Variants in RMDN3 observed in about 807,000 individuals in gnomAD.
RMDN3 encodes the protein regulator of microtubule dynamics 3, also known as regulator of microtubule dynamics protein 3.
A neutral mutation model predicts 61.8 loss-of-function variants in RMDN3; 41 were observed. The ratio of observed to expected loss-of-function variants is 0.66; its 90% CI spans 0.52 to 0.86. RMDN3 has a LOEUF of 0.86. Ranked by LOEUF, RMDN3 falls within the 40% of genes least tolerant of loss-of-function variation. RMDN3 has a pLI of 0.00. For synonymous variants in RMDN3, 247 were observed against 232.0 expected (o/e 1.06, Z -0.59); for missense variants, 557 against 585.3 (o/e 0.95, Z 0.50).
At position 40,736,540 on chromosome 15, in the gene RMDN3, G is replaced by T. The variant is rs1459950068; in HGVS notation, c.*1C>A. 1 of 1,613,868 alleles carries T rather than the reference G, an allele frequency of 6.2e-7. No individual in the cohort carries two copies. The highest frequency in any genetic ancestry group is 1.3e-5 in the African/African-American group (1 of 75,010). ...AAGTCATGAAGGCCAGTGAAACGTG[G>T]TTAGTCTCGTAAAATGACTTCCAGT... On this transcript the variant is annotated 3_prime_UTR_variant, in exon 13 of 13. Coordinates refer to ENST00000338376, the MANE Select transcript of RMDN3 (RefSeq NM_018145.3).
At chr15:40,738,806 G>A in intron 7 of RMDN3, 1 of 561,020 alleles carries the variant, frequency 1.8e-6, no homozygotes, top group South Asian at 2.2e-5. Flanking sequence ...AGTATTCTAG[G>A]TATAAAAAAA....
Position 40,744,097 on chromosome 15 carries a change from A to G in RMDN3, c.860T>C (p.Met287Thr), listed in dbSNP as rs747812998. 6.2e-7 allele frequency: 1 copy of G among 1,613,550 alleles called. No homozygotes were observed. The highest frequency in any genetic ancestry group is 8.5e-7 in the Non-Finnish European group (1 of 1,179,932). ...GCTCACCTCCTCAGTGAGCTCACACATGTCACTGTAGGCTCGGGCCAGGCG... is the reference window on the plus strand; with the variant it reads ...GCTCACCTCCTCAGTGAGCTCACACGTGTCACTGTAGGCTCGGGCCAGGCG... ...LWRLARAYSD[M>T]CELTEEVSEK... The change falls in exon 6 of 13, where the codon ATG (methionine) becomes ACG (threonine). Residue 287 changes from methionine (M) to threonine (T), a missense_variant. Physicochemically the swap from Met to Thr is moderately conservative, Grantham distance 81. Transcript: ENST00000338376.
rs147810789 is a variant in RMDN3 at position 40,740,598 on chromosome 15, A to G, written c.911-405T>C. On this transcript the variant is annotated intron_variant, in intron 6 of 12. Coordinates refer to ENST00000338376, the MANE Select transcript of RMDN3 (RefSeq NM_018145.3). ...GAGGCAGAGGTTGCAGTGAGCCGAG[A>G]TTGCACCACTGCACTCCAGACTAGG... is the stretch of plus-strand genomic sequence containing the variant. Among the ~76,000 whole-genome samples, 279 of 152,190 alleles carry G rather than the reference A, an allele frequency of 1.8e-3. 1 individual carries two copies. Among genetic ancestry groups the G allele is most frequent in the African/African-American group, 6.4e-3 (266 of 41,522 alleles).
intron 5 of RMDN3, among the ~76,000 whole-genome samples, chr15:40,744,506 G>T (rs142214648): frequency 6.6e-6 from 1 of 151,812 alleles, no homozygotes; most frequent in Non-Finnish European, 1.5e-5. Context: ...CTTCTGGGGG[G>T]GGGGCATTTA....
rs375316849 is a variant in RMDN3 at position 40,736,521 on chromosome 15, T to C, written c.*20A>G. 83 of 1,612,298 alleles carry C rather than the reference T, an allele frequency of 5.1e-5. No individual in the cohort carries two copies. The highest frequency in any genetic ancestry group is 6.9e-5 in the Non-Finnish European group (81 of 1,178,528). ...CACCTTAAATAGTGGCATCAAGTCA[T>C]GAAGGCCAGTGAAACGTGGTTAGTC... On this transcript the variant is annotated 3_prime_UTR_variant, in exon 13 of 13. Coordinates refer to ENST00000338376, the MANE Select transcript of RMDN3 (RefSeq NM_018145.3).
chr15:40,752,313 A>G, intron 2 of RMDN3, 135 bp from the exon 3 acceptor site: 1 of 853,058 alleles, frequency 1.2e-6, no homozygotes, highest in South Asian at 1.8e-5. Flanking sequence ...ACACGTTCAC[A>G]GCCAGGTCAT....
intron 4 of RMDN3, among the ~76,000 whole-genome samples, chr15:40,746,329 C>T (rs1387870182): frequency 6.6e-6 from 1 of 152,036 alleles, no homozygotes; most frequent in Non-Finnish European, 1.5e-5. Context: ...TCCTGGCTAA[C>T]ACGGTGAAAC....
intron 2 of RMDN3, among the ~76,000 whole-genome samples, chr15:40,752,479 T>C (rs1897870650): frequency 7.4e-6 from 1 of 134,740 alleles, no homozygotes; most frequent in South Asian, 2.6e-4. Context: ...ACAGCTGTCC[T>C]GCTAGAGTTA....
chr15:40,749,473 C>T (rs1897720127), intron 4 of RMDN3, among the ~76,000 whole-genome samples: 1 of 152,226 alleles, frequency 6.6e-6, no homozygotes, highest in Non-Finnish European at 1.5e-5. Context: ...TGTGATGGCA[C>T]CATGGAACTC....
chr15:40,745,075 C>T lies in RMDN3; in HGVS notation c.709G>A (p.Asp237Asn). 6.2e-7 allele frequency: 1 copy of T among 1,614,110 alleles called. No individual in the cohort carries two copies. Among genetic ancestry groups the T allele is most frequent in the Non-Finnish European group, 8.5e-7 (1 of 1,179,994 alleles). ...GCCTGCTGCAGGAGGGGCAGCACATCCTCCAAGCCTGAGGAACCTCCAGCC... is the reference window on the plus strand; with the variant it reads ...GCCTGCTGCAGGAGGGGCAGCACATTCTCCAAGCCTGAGGAACCTCCAGCC... ...LEAGGSSGLE[D>N]VLPLLQQADE... is the part of the protein sequence containing the mutation. The change falls in exon 5 of 13, where the codon GAT (aspartate) becomes AAT (asparagine). Residue 237 changes from aspartate to asparagine, a missense_variant. Coordinates refer to ENST00000338376, the MANE Select transcript of RMDN3 (RefSeq NM_018145.3).
Position 40,737,690 on chromosome 15 carries a change from T to C in RMDN3, c.1162A>G (p.Thr388Ala). 2 of 1,614,178 alleles carry C rather than the reference T, an allele frequency of 1.2e-6. No homozygotes were observed. Among genetic ancestry groups the C allele is most frequent in the South Asian group, 1.1e-5 (1 of 91,086 alleles). The change falls in exon 10 of 13, where the codon ACA becomes GCA. Residue 388 changes from threonine to alanine, a missense_variant. Coordinates refer to ENST00000338376, the MANE Select transcript of RMDN3 (RefSeq NM_018145.3). ...CTGAGAGGGCTTTCAAGCAAGGCTG[T>C]AGCAGTTTTTTTTTCTAGCCAGCTC... ...HLSWLEKKTA[T>A]ALLESPLSAT...
intron 6 of RMDN3, among the ~76,000 whole-genome samples, chr15:40,740,518 C>T (rs532124670): frequency 3.9e-5 from 6 of 152,126 alleles, no homozygotes; most frequent in Non-Finnish European, 5.9e-5. Context: ...TGGTGGCAGG[C>T]GCCTGTAGTC....
chr15:40,741,996 G>A (rs1897303384), intron 6 of RMDN3, among the ~76,000 whole-genome samples: 1 of 151,604 alleles, frequency 6.6e-6, no homozygotes, highest in Non-Finnish European at 1.5e-5. Context: ...ATGCATTGAG[G>A]TGGTAAACTG....
At chr15:40,752,303 A>G (rs1337579706) in intron 2 of RMDN3, 125 bp from the exon 3 acceptor site, 1 of 914,464 alleles carries the variant, frequency 1.1e-6, no homozygotes, top group Non-Finnish European at 1.6e-6. Context: ...CTCAGATAGC[A>G]CACGTTCACA....
chr15:40,739,412 A>C (rs1409997690), intron 7 of RMDN3: 1 of 152,240 alleles, frequency 6.6e-6, no homozygotes, highest in African/African-American at 2.4e-5. Flanking sequence ...ACACCCAAGA[A>C]ACAGTTACCT....
chr15:40,742,773 T>C (rs1379700331), intron 6 of RMDN3, among the ~76,000 whole-genome samples: 1 of 152,164 alleles, frequency 6.6e-6, no homozygotes, highest in African/African-American at 2.4e-5. Flanking sequence ...TCATGCTGGC[T>C]ACTAGCACTA....
At position 40,738,392 on chromosome 15, in the gene RMDN3, A is replaced by G. The variant is rs530902479; in HGVS notation, c.1047+109T>C. 1.7e-4 allele frequency: 163 copies of G among 957,820 alleles called. No individual in the cohort carries two copies. In the African/African-American group the frequency reaches 2.4e-3, roughly 14 times the overall value. The allele number at this position is 957,820 out of a possible 1,614,324, so 59.3% of individuals were successfully genotyped here. On this transcript the variant is annotated intron_variant, in intron 8 of 12. Transcript: ENST00000338376. ...GTGAGACTCTGTCTCAAAAAAAAAG[A>G]AGAAAGGCAAGTCACTGAGGCTGTA...
chr15:40,750,595 T>C (rs1363503066), intron 4 of RMDN3, among the ~76,000 whole-genome samples: 1 of 151,850 alleles, frequency 6.6e-6, no homozygotes, highest in Non-Finnish European at 1.5e-5. Context: ...GGATTACCCA[T>C]GAGCCACCAC....
At chr15:40,747,128 G>A (rs1334879061) in intron 4 of RMDN3, among the ~76,000 whole-genome samples, 1 of 152,228 alleles carries the variant, frequency 6.6e-6, no homozygotes, top group Non-Finnish European at 1.5e-5. Context: ...TTGCTAGAAG[G>A]AGGGGGAGAC....
Sources: gnomAD v4.1 joint callset for allele counts (sites outside exome capture counted in the v4.1 genomes callset) on GRCh38, gnomAD v4.1.1 for gene constraint, MANE v1.5 for transcripts, NCBI Gene and HGNC (gene_info 2026-07-23, HGNC 2026-07-21) for gene names.